Variants in CDC27 observed in about 807,000 individuals in gnomAD.
The protein encoded by CDC27 is cell division cycle protein 27 homolog.
CDC27 carries 27 observed loss-of-function variants against 109.7 expected under a neutral mutation model. That is an observed-to-expected ratio of 0.25 (90% CI 0.18 to 0.34). The LOEUF is 0.34. Among genes scored for constraint, CDC27 ranks in the 10% least tolerant of loss-of-function variants. The probability of loss-of-function intolerance (pLI) is 1.00; values close to 1 mark genes in which losing one functional copy is unlikely to be tolerated. For missense variants in CDC27, 579 were observed against 960.2 expected, an observed-to-expected ratio of 0.60 and a Z score of 5.25; for synonymous variants, 266 against 333.9, an observed-to-expected ratio of 0.80 and a Z score of 2.22.
chr17:47,128,141 G>A (rs1013056933), intron 16 of CDC27, among the ~76,000 whole-genome samples: 2 of 151,166 alleles, frequency 1.3e-5, no homozygotes, highest in African/African-American at 4.9e-5. Context: ...AGTGATTCTC[G>A]TGCCTCAGCC....
At chr17:47,149,897 G>A (rs776067003) in intron 9 of CDC27, among the ~76,000 whole-genome samples, 1 of 152,176 alleles carries the variant, frequency 6.6e-6, no homozygotes, top group Non-Finnish European at 1.5e-5. Context: ...GGAGGTTGCA[G>A]TGAGCCGAGA....
intron 1 of CDC27, among the ~76,000 whole-genome samples, chr17:47,182,377 T>C (rs893601949): frequency 4.6e-5 from 7 of 152,214 alleles, no homozygotes; most frequent in Admixed American, 1.3e-4. Context: ...TTTAGGCCCA[T>C]GTACTCACCA....
chr17:47,151,482 A>G (rs968690428), intron 9 of CDC27, among the ~76,000 whole-genome samples: 2 of 152,234 alleles, frequency 1.3e-5, no homozygotes, highest in Admixed American at 6.5e-5. Context: ...GTTTATAGAC[A>G]TGCATAATGT....
intron 1 of CDC27, among the ~76,000 whole-genome samples, chr17:47,182,378 G>A (rs929486960): frequency 6.6e-6 from 1 of 152,138 alleles, no homozygotes; most frequent in African/African-American, 2.4e-5. Context: ...TTAGGCCCAT[G>A]TACTCACCAC....
intron 2 of CDC27, among the ~76,000 whole-genome samples, chr17:47,175,512 CAT>C (rs753652013): frequency 1.4e-4 from 22 of 152,302 alleles, no homozygotes; most frequent in East Asian, 3.9e-4. Context: ...ATTTGTGACA[CAT>C]GTTTCAAATT....
rs141358574 is a variant in CDC27, at chr17:47,120,978, G to C, written c.2432C>G (p.Ala811Gly). The change falls in exon 19 of 19, where the codon GCG becomes GGG. Residue 811 changes from alanine (A) to glycine (G), a missense_variant. Ala to Gly is a moderately conservative substitution (Grantham distance 60). Transcript: ENST00000066544. Reference sequence around the variant, plus strand: ...AGCTGCATGAAGTTGTGTGTCATCCGCATCTGTCATGCTGCTCTCCTGGGA... The same window carrying C: ...AGCTGCATGAAGTTGTGTGTCATCCCCATCTGTCATGCTGCTCTCCTGGGA... ...DESQESSMTDADDTQLHAAES... is the reference protein window; with the variant it reads ...DESQESSMTDGDDTQLHAAES... The C allele has an allele frequency of 8.7e-6, 14 of 1,612,730 alleles. No homozygotes were observed. The highest frequency in any genetic ancestry group is 8.5e-6 in the Non-Finnish European group (10 of 1,179,202).
chr17:47,165,254 G>C (rs1225541714), intron 4 of CDC27, among the ~76,000 whole-genome samples: 1 of 152,078 alleles, frequency 6.6e-6, no homozygotes, highest in Non-Finnish European at 1.5e-5. Flanking sequence ...GGGCTTTTAT[G>C]AATAAAGTTG....
intron 4 of CDC27, chr17:47,159,699 C>T (rs1264806103): frequency 7.1e-6 from 3 of 423,986 alleles, no homozygotes; most frequent in East Asian, 1.2e-4. Context: ...GCAACAAACG[C>T]CTCGAACCTG....
intron 10 of CDC27, among the ~76,000 whole-genome samples, chr17:47,142,936 A>C (rs910275731): frequency 6.6e-6 from 1 of 152,012 alleles, no homozygotes; most frequent in Admixed American, 6.6e-5. Flanking sequence ...TTGGCCTCCC[A>C]AAGTGCTGGG....
At chr17:47,178,040 G>A (rs192667062) in intron 2 of CDC27, among the ~76,000 whole-genome samples, 239 of 152,226 alleles carry the variant, frequency 1.6e-3, no homozygotes, top group Non-Finnish European at 3.0e-3. Flanking sequence ...ATTGGTGGTG[G>A]GAAAGAAAAA....
intron 2 of CDC27, among the ~76,000 whole-genome samples, chr17:47,175,566 A>G (rs1339219186): frequency 6.6e-6 from 1 of 152,244 alleles, no homozygotes; most frequent in African/African-American, 2.4e-5. Flanking sequence ...CTGTAATCTC[A>G]GCACTCTGGG....
At position 47,118,269 on chromosome 17, in the gene CDC27, A is replaced by G. The variant is rs1482671917; in HGVS notation, c.*2666T>C. 1 of 152,348 alleles carries G rather than the reference A, an allele frequency of 6.6e-6. No individual in the cohort carries two copies. Among genetic ancestry groups the G allele is most frequent in the Non-Finnish European group, 1.5e-5 (1 of 68,036 alleles). The allele number at this position is 152,348 out of a possible 1,614,324, so 9.4% of individuals were successfully genotyped here. A position where few individuals can be genotyped will look rare whatever the true frequency, so the allele number is the denominator to read the frequency against. On this transcript the variant is annotated 3_prime_UTR_variant, in exon 19 of 19. Transcript: ENST00000066544. ...ACTGAGTTTTTGTTTAAGGTACAAC[A>G]GCAGCATGGTTCAAATGTTACTTGT...
At chr17:47,153,693 TTTAA>T (rs1266785099) in intron 8 of CDC27, among the ~76,000 whole-genome samples, 13 of 152,228 alleles carry the variant, frequency 8.5e-5, no homozygotes, top group Admixed American at 8.5e-4. Context: ...TAGAACCTAA[TTTAA>T]TTCTCACAGA....
At chr17:47,173,452 A>G (rs1001955146) in intron 2 of CDC27, among the ~76,000 whole-genome samples, 12 of 151,564 alleles carry the variant, frequency 7.9e-5, no homozygotes, top group Non-Finnish European at 1.2e-4. Context: ...TCTAATTTAC[A>G]TAAGTTAGAA....
intron 14 of CDC27, among the ~76,000 whole-genome samples, chr17:47,133,105 A>G (rs1367272617): frequency 1.0e-4 from 1 of 10,000 alleles, no homozygotes; most frequent in Non-Finnish European, 1.6e-4. Flanking sequence ...ACACAAATAT[A>G]CATATATATA....
At chr17:47,176,667 G>A (rs1251024894) in intron 2 of CDC27, among the ~76,000 whole-genome samples, 1 of 152,168 alleles carries the variant, frequency 6.6e-6, no homozygotes, top group Non-Finnish European at 1.5e-5. Context: ...AGGGTTTTAA[G>A]AAGGAACATA....
intron 2 of CDC27, among the ~76,000 whole-genome samples, chr17:47,177,690 C>T (rs2064067415): frequency 6.6e-6 from 1 of 152,204 alleles, no homozygotes; most frequent in South Asian, 2.1e-4. Context: ...CCTAGGAATA[C>T]ATGTTGACAC....
At chr17:47,154,862 G>A in intron 7 of CDC27, 76 bp from the exon 8 acceptor site, 1 of 699,432 alleles carries the variant, frequency 1.4e-6, no homozygotes, top group Non-Finnish European at 2.5e-6. Context: ...TAAATTAGAA[G>A]GTCTAAAAGG....
chr17:47,131,315 G>T (rs2062323646), intron 15 of CDC27, among the ~76,000 whole-genome samples: 1 of 152,146 alleles, frequency 6.6e-6, no homozygotes, highest in Admixed American at 6.5e-5. Context: ...AACTATAAAA[G>T]AAGTTACTGT....
Sources: gnomAD v4.1 joint callset for allele counts (sites outside exome capture counted in the v4.1 genomes callset) on GRCh38, gnomAD v4.1.1 for gene constraint, MANE v1.5 for transcripts, NCBI Gene and HGNC (gene_info 2026-07-23, HGNC 2026-07-21) for gene names.